Variants in DNAJC1 observed in about 807,000 individuals in gnomAD.
The protein encoded by DNAJC1 is dnaJ homolog subfamily C member 1.
DNAJC1 carries 58 observed loss-of-function variants against 76.6 expected under a neutral mutation model. The ratio of observed to expected loss-of-function variants is 0.76; its 90% CI spans 0.61 to 0.94. The LOEUF is 0.94. Among genes scored for constraint, DNAJC1 ranks in the 40% least tolerant of loss-of-function variants. DNAJC1 has a pLI of 0.00. For synonymous variants in DNAJC1, 258 were observed against 267.9 expected (o/e 0.96, Z 0.36); for missense variants, 689 against 677.3 (o/e 1.02, Z -0.19).
chr10:21,832,498 C>T (rs1368342588), intron 8 of DNAJC1, among the ~76,000 whole-genome samples: 1 of 152,174 alleles, frequency 6.6e-6, no homozygotes. Flanking sequence ...GCCAAACTAT[C>T]ACCTCCTAAC....
intron 2 of DNAJC1, 49 bp from the exon 3 acceptor site, chr10:21,928,601 A>C (rs754684426): frequency 1.3e-6 from 2 of 1,487,236 alleles, no homozygotes; most frequent in Non-Finnish European, 1.9e-6. Flanking sequence ...AACTATAAGA[A>C]ATCACATAGG....
In DNAJC1 at chr10:21,759,320, C is replaced by T; in HGVS notation, c.1446G>A (p.Glu482=). The change falls in exon 11 of 12, where the codon GAG becomes GAA. Residue 482 remains glutamate, a synonymous_variant. Transcript: ENST00000376980. The part of the protein sequence containing the change: ...DIAEQNESSD[E]ESLRKERARS... ...GAGCTCTCTCTTTTCTCAGGCTCTC[C>T]TCGTCGCTGGACTCGTTTTGTTCTG... The T allele has an allele frequency of 6.2e-7, 1 of 1,614,262 alleles. No homozygotes were observed. The highest frequency in any genetic ancestry group is 8.5e-7 in the Non-Finnish European group (1 of 1,180,044).
chr10:21,757,139 T>A (rs1195933474), intron 11 of DNAJC1, among the ~76,000 whole-genome samples: 1 of 152,262 alleles, frequency 6.6e-6, no homozygotes, highest in Non-Finnish European at 1.5e-5. Flanking sequence ...CTATTAGTCT[T>A]CTTCCGTGGG....
chr10:21,914,740 G>A (rs1388834058), intron 6 of DNAJC1, among the ~76,000 whole-genome samples: 1 of 152,156 alleles, frequency 6.6e-6, no homozygotes, highest in Non-Finnish European at 1.5e-5. Flanking sequence ...CCTTAACACA[G>A]TATGATTTTA....
chr10:21,908,495 G>GGT (rs1357294137), intron 6 of DNAJC1, among the ~76,000 whole-genome samples: 1 of 148,176 alleles, frequency 6.7e-6, no homozygotes, highest in Non-Finnish European at 1.5e-5. Flanking sequence ...TTCATGGGGG[G>GGT]GGGGTGAATT....
intron 8 of DNAJC1, among the ~76,000 whole-genome samples, chr10:21,837,433 T>A (rs897000933): frequency 3.3e-5 from 5 of 150,956 alleles, no homozygotes; most frequent in African/African-American, 9.8e-5. Flanking sequence ...GAAGAGCGCC[T>A]CTTCCCGGCC....
intron 9 of DNAJC1, among the ~76,000 whole-genome samples, chr10:21,770,134 A>G (rs1834355937): frequency 6.6e-6 from 1 of 152,118 alleles, no homozygotes; most frequent in Non-Finnish European, 1.5e-5. Context: ...TTCACAGTTC[A>G]ATTCCATTTG....
At chr10:21,920,349 G>A (rs1344661408) in intron 4 of DNAJC1, among the ~76,000 whole-genome samples, 1 of 151,864 alleles carries the variant, frequency 6.6e-6, no homozygotes, top group Non-Finnish European at 1.5e-5. Flanking sequence ...ATTAAACCAA[G>A]AAAAGTGTAA....
intron 1 of DNAJC1, among the ~76,000 whole-genome samples, chr10:21,964,675 G>A (rs145853105): frequency 2.1e-5 from 3 of 145,228 alleles, no homozygotes; most frequent in South Asian, 2.2e-4. Flanking sequence ...CTGAAGTTTA[G>A]TCTTTGGTAT....
intron 7 of DNAJC1, among the ~76,000 whole-genome samples, chr10:21,902,845 G>T (rs944943896): frequency 1.4e-4 from 21 of 152,198 alleles, no homozygotes; most frequent in African/African-American, 5.1e-4. Context: ...ACATAGAAAT[G>T]ATAAGCTGTG....
At chr10:21,892,940 T>C (rs1836482130) in intron 7 of DNAJC1, among the ~76,000 whole-genome samples, 1 of 152,040 alleles carries the variant, frequency 6.6e-6, no homozygotes, top group Non-Finnish European at 1.5e-5. Context: ...AAAAGTCCAA[T>C]ACCCCCTCTC....
At chr10:21,826,743 A>G (rs771240087) in intron 8 of DNAJC1, among the ~76,000 whole-genome samples, 2 of 152,140 alleles carry the variant, frequency 1.3e-5, no homozygotes, top group Non-Finnish European at 2.9e-5. Flanking sequence ...TCCCACCACC[A>G]TTTGTGGAAA....
chr10:21,891,848 G>T (rs78353203), intron 7 of DNAJC1, among the ~76,000 whole-genome samples: 1,777 of 152,158 alleles, frequency 0.012, 41 homozygotes, highest in African/African-American at 0.041. Context: ...AATCATAAAA[G>T]AAAATATATT....
chr10:21,814,344 C>T (rs1835040321), intron 8 of DNAJC1, among the ~76,000 whole-genome samples: 1 of 152,190 alleles, frequency 6.6e-6, no homozygotes, highest in African/African-American at 2.4e-5. Flanking sequence ...TGGTCAGCCT[C>T]AGGTCTGTAC....
At chr10:21,804,683 A>C (rs1653373588) in intron 9 of DNAJC1, among the ~76,000 whole-genome samples, 1 of 151,846 alleles carries the variant, frequency 6.6e-6, no homozygotes, top group Non-Finnish European at 1.5e-5. Flanking sequence ...AAAAAGTTAC[A>C]AAATACTTCA....
At position 21,812,807 on chromosome 10, in the gene DNAJC1, T is replaced by C. The variant is rs546574251; in HGVS notation, c.979-6708A>G. On this transcript the variant is annotated intron_variant, in intron 8 of 11. Coordinates refer to ENST00000376980, the MANE Select transcript of DNAJC1 (RefSeq NM_022365.4). ...TAGAAAATAGTACAGAGTTCCCATATACTCTTTATTCAGCAAACTATGGTG... is the reference window on the plus strand; with the variant it reads ...TAGAAAATAGTACAGAGTTCCCATACACTCTTTATTCAGCAAACTATGGTG... Among the ~76,000 whole-genome samples the C allele has an allele frequency of 4.6e-5, 7 of 152,150 alleles. No homozygotes were observed. The South Asian group carries it at 1.2e-3, about 27-fold the overall frequency.
intron 1 of DNAJC1, among the ~76,000 whole-genome samples, chr10:21,974,678 G>A (rs1433156110): frequency 6.6e-6 from 1 of 152,094 alleles, no homozygotes; most frequent in African/African-American, 2.4e-5. Context: ...CCTGCTGTTT[G>A]GAAAACACTG....
At chr10:21,992,188 G>A (rs767698159) in intron 1 of DNAJC1, among the ~76,000 whole-genome samples, 1 of 152,188 alleles carries the variant, frequency 6.6e-6, no homozygotes, top group East Asian at 1.9e-4. Context: ...GCATGTGCCC[G>A]TAGTCCCAGT....
intron 7 of DNAJC1, among the ~76,000 whole-genome samples, chr10:21,891,403 G>C (rs1364657371): frequency 7.1e-6 from 1 of 141,244 alleles, no homozygotes; most frequent in Non-Finnish European, 1.5e-5. Context: ...GCAGAATGAA[G>C]CAAACAGGGA....
Sources: gnomAD v4.1 joint callset for allele counts (sites outside exome capture counted in the v4.1 genomes callset) on GRCh38, gnomAD v4.1.1 for gene constraint, MANE v1.5 for transcripts, NCBI Gene and HGNC (gene_info 2026-07-23, HGNC 2026-07-21) for gene names.